The following DISP1 variants were observed in gnomAD, a reference collection of about 807,000 sequenced individuals.
DISP1 encodes the protein dispatched RND transporter family member 1, also known as protein dispatched homolog 1.
In DISP1, 30 loss-of-function variants were observed where a neutral mutation model predicts 37.3. The ratio of observed to expected loss-of-function variants is 0.80; its 90% CI spans 0.60 to 1.09. DISP1 has a LOEUF of 1.09. Ranked by LOEUF, DISP1 falls within the 50% of genes least tolerant of loss-of-function variation. The probability of loss-of-function intolerance (pLI) is 0.00; values close to 1 mark genes in which losing one functional copy is unlikely to be tolerated. For missense variants in DISP1, 1,598 were observed against 1,879.5 expected (o/e 0.85, Z 2.77); for synonymous variants, 634 against 690.2 (o/e 0.92, Z 1.28).
At chr1:222,955,437 T>G (rs1332530735) in intron 3 of DISP1, among the ~76,000 whole-genome samples, 1 of 152,126 alleles carries the variant, frequency 6.6e-6, no homozygotes, top group African/African-American at 2.4e-5. Flanking sequence ...GAGTTATGAT[T>G]TTTTGCCATT....
Position 222,873,776 on chromosome 1 carries a change from T to C in DISP1, c.-158-54654T>C, listed in dbSNP as rs186427284. On this transcript the variant is annotated intron_variant, in intron 1 of 8. Transcript: ENST00000675850. ...TTGGAGCATTTAGCCCATTTACTTC[T>C]AAGGTTAGTATTGTTATATGTGAAT... Among the ~76,000 whole-genome samples, 4 of 152,166 alleles carry C rather than the reference T, an allele frequency of 2.6e-5. No individual in the cohort carries two copies. The East Asian group carries it at 7.7e-4, about 29-fold the overall frequency.
At position 222,992,065 on chromosome 1, in the gene DISP1, G is replaced by T. The variant is rs764160721; in HGVS notation, c.844G>T (p.Val282Phe). The T allele has an allele frequency of 9.9e-6, 16 of 1,613,890 alleles. No homozygotes were observed. Among genetic ancestry groups the T allele is most frequent in the African/African-American group, 5.3e-5 (4 of 74,916 alleles). Residue 282 changes from valine (V) to phenylalanine (F), a missense_variant, in exon 7 of 9, where the codon GTT (valine) becomes TTT (phenylalanine). Transcript: ENST00000675850. ...DDHYEREKRE[V>F]DWNFHKDSFF... is the part of the protein sequence containing the mutation. ...TCATTATGAAAGAGAGAAAAGAGAA[G>T]TTGACTGGAACTTCCACAAGGACAG...
chr1:222,911,235 G>A (rs949479311), intron 1 of DISP1, among the ~76,000 whole-genome samples: 2 of 152,110 alleles, frequency 1.3e-5, no homozygotes, highest in Admixed American at 6.6e-5. Context: ...TTGATCCTTA[G>A]ACTGAATGAA....
At chr1:222,967,867 A>G (rs1676625068) in intron 3 of DISP1, among the ~76,000 whole-genome samples, 3 of 152,312 alleles carry the variant, frequency 2.0e-5, no homozygotes, top group African/African-American at 7.2e-5. Context: ...CTAATTTAGC[A>G]TGTGCATACC....
At chr1:222,904,170 C>T (rs1374228164) in intron 1 of DISP1, among the ~76,000 whole-genome samples, 1 of 152,194 alleles carries the variant, frequency 6.6e-6, no homozygotes, top group Non-Finnish European at 1.5e-5. Flanking sequence ...GTTTAGACAT[C>T]TTTTAAAACC....
intron 3 of DISP1, among the ~76,000 whole-genome samples, chr1:222,973,389 G>A (rs1039907072): frequency 4.6e-5 from 7 of 151,896 alleles, no homozygotes; most frequent in East Asian, 1.9e-4. Flanking sequence ...ATATATTTAC[G>A]TATTTTGTAT....
intron 1 of DISP1, among the ~76,000 whole-genome samples, chr1:222,921,492 G>A (rs1672806932): frequency 6.6e-6 from 1 of 152,008 alleles, no homozygotes; most frequent in African/African-American, 2.4e-5. Context: ...GAATATGCTT[G>A]CATGTTAGCT....
chr1:222,975,114 C>T (rs1677217576), intron 3 of DISP1, among the ~76,000 whole-genome samples: 1 of 152,092 alleles, frequency 6.6e-6, no homozygotes, highest in South Asian at 2.1e-4. Context: ...CAGCACTGAC[C>T]TCCTGGGCTC....
At chr1:222,908,946 G>A (rs1196068330) in intron 1 of DISP1, among the ~76,000 whole-genome samples, 1 of 149,392 alleles carries the variant, frequency 6.7e-6, no homozygotes, top group East Asian at 2.0e-4. Flanking sequence ...CAAATTTATT[G>A]TATCCTGGTA....
intron 1 of DISP1, among the ~76,000 whole-genome samples, chr1:222,840,417 T>A (rs1187776349): frequency 6.6e-6 from 1 of 151,918 alleles, no homozygotes; most frequent in Non-Finnish European, 1.5e-5. Context: ...AATTTTTGTA[T>A]TTTTAGTAGA....
intron 3 of DISP1, among the ~76,000 whole-genome samples, chr1:222,968,660 A>T (rs1363375317): frequency 6.6e-6 from 1 of 152,192 alleles, no homozygotes; most frequent in Non-Finnish European, 1.5e-5. Flanking sequence ...TTGGCTGGGC[A>T]TGGTGGCTCA....
Position 222,962,292 on chromosome 1 carries a change from A to G in DISP1, c.509+18960A>G, listed in dbSNP as rs540987146. The stretch of plus-strand genomic sequence containing the variant: ...CTCAAGGAAATAAGAGAAGACACAA[A>G]GGGAAAAACATTCCATGCTCATGGA... On this transcript the variant is annotated intron_variant, in intron 3 of 8. Transcript: ENST00000675850. Among the ~76,000 whole-genome samples the G allele has an allele frequency of 3.3e-5, 5 of 152,322 alleles. No homozygotes were observed. The East Asian group carries it at 9.7e-4, about 29-fold the overall frequency.
chr1:222,831,504 G>T (rs746854908), intron 1 of DISP1, among the ~76,000 whole-genome samples: 5 of 152,120 alleles, frequency 3.3e-5, no homozygotes, highest in Non-Finnish European at 5.9e-5. Context: ...TGTCCATAAA[G>T]ACCCTACAGC....
At chr1:222,930,470 G>A (rs1404175874) in intron 2 of DISP1, among the ~76,000 whole-genome samples, 3 of 152,032 alleles carry the variant, frequency 2.0e-5, no homozygotes, top group Non-Finnish European at 4.4e-5. Context: ...GAAGGTGGTG[G>A]CTTTTTGTTC....
At chr1:222,998,897 G>A (rs961195234) in intron 8 of DISP1, among the ~76,000 whole-genome samples, 1 of 152,134 alleles carries the variant, frequency 6.6e-6, no homozygotes, top group South Asian at 2.1e-4. Context: ...GGGCTACAGA[G>A]CCCTTGCTTT....
At position 222,931,907 on chromosome 1, in the gene DISP1, T is replaced by G. The variant is rs975995333; in HGVS notation, c.-18+3337T>G. Among the ~76,000 whole-genome samples the G allele has an allele frequency of 5.9e-5, 9 of 152,040 alleles. No homozygotes were observed. In the South Asian group the frequency reaches 1.9e-3, roughly 32 times the overall value. On this transcript the variant is annotated intron_variant, in intron 2 of 8. Coordinates refer to ENST00000675850, the MANE Select transcript of DISP1 (RefSeq NM_001377229.1). Reference sequence around the variant, plus strand: ...GGTGTTTCACATTTCCACAACATTGTTCCACGCAAAGTCTGCACTGTTGTC... The same window carrying G: ...GGTGTTTCACATTTCCACAACATTGGTCCACGCAAAGTCTGCACTGTTGTC...
At chr1:222,903,964 A>G (rs777083747) in intron 1 of DISP1, among the ~76,000 whole-genome samples, 2 of 152,226 alleles carry the variant, frequency 1.3e-5, no homozygotes, top group African/African-American at 4.8e-5. Flanking sequence ...TTTTATTTTC[A>G]TCTGCTTCAG....
At chr1:222,936,505 T>A (rs1447837256) in intron 2 of DISP1, among the ~76,000 whole-genome samples, 1 of 146,532 alleles carries the variant, frequency 6.8e-6, no homozygotes, top group East Asian at 2.0e-4. Context: ...CTTTTCTCTT[T>A]ACATTTCAGT....
chr1:222,866,383 C>G (rs1296191766), intron 1 of DISP1, among the ~76,000 whole-genome samples: 1 of 151,914 alleles, frequency 6.6e-6, no homozygotes, highest in Non-Finnish European at 1.5e-5. Context: ...CTCACTGGGT[C>G]GCTCAGGCTG....
Sources: allele counts gnomAD v4.1 joint callset (sites outside exome capture counted in the v4.1 genomes callset), GRCh38; gene constraint gnomAD v4.1.1; transcripts MANE v1.5; gene names NCBI Gene and HGNC (gene_info 2026-07-23, HGNC 2026-07-21).